CHODL: variants seen among roughly 807,000 people sequenced by gnomAD.
CHODL encodes transmembrane protein MT75.
A neutral mutation model predicts 34.5 loss-of-function variants in CHODL; 29 were observed. That is an observed-to-expected ratio of 0.84 (90% CI 0.63 to 1.15). The LOEUF (loss-of-function observed/expected upper bound fraction) is 1.15. Among genes scored for constraint, CHODL ranks in the 50% most tolerant of loss-of-function variants. The pLI is 0.00. For missense variants in CHODL, 332 were observed against 332.5 expected (o/e 1.00, Z 0.01); for synonymous variants, 125 against 116.1 (o/e 1.08, Z -0.49).
intron 2 of CHODL, among the ~76,000 whole-genome samples, chr21:18,223,919 G>A (rs1057081914): frequency 1.7e-4 from 26 of 152,136 alleles, no homozygotes; most frequent in African/African-American, 6.3e-4. Flanking sequence ...GAAAATAAAT[G>A]GAGCCGATTA....
intron 1 of CHODL, chr21:18,245,741 A>C: frequency 1.6e-6 from 1 of 610,802 alleles, no homozygotes; most frequent in South Asian, 2.0e-5. Flanking sequence ...CACCGTGTTC[A>C]CTCGGATGCT....
chr21:18,141,524 T>G (rs1259361690), intron 2 of CHODL, among the ~76,000 whole-genome samples: 1 of 151,952 alleles, frequency 6.6e-6, no homozygotes, highest in African/African-American at 2.4e-5. Context: ...TGATTGGATT[T>G]GCTTAGGTTT....
chr21:18,187,016 G>A (rs1468744943), intron 2 of CHODL, among the ~76,000 whole-genome samples: 1 of 152,086 alleles, frequency 6.6e-6, no homozygotes, highest in Non-Finnish European at 1.5e-5. Flanking sequence ...ATAGATTTAT[G>A]ATCATATAAC....
At chr21:18,087,839 G>A (rs1305828261) in intron 2 of CHODL, among the ~76,000 whole-genome samples, 1 of 152,110 alleles carries the variant, frequency 6.6e-6, no homozygotes, top group African/African-American at 2.4e-5. Flanking sequence ...CCTGAGACTG[G>A]GTAGTTTATG....
chr21:17,986,999 A>T (rs556106336), intron 1 of CHODL, among the ~76,000 whole-genome samples: 41 of 148,916 alleles, frequency 2.8e-4, no homozygotes, highest in African/African-American at 8.1e-4. Context: ...GGAGGAAAAC[A>T]TGTGTACTTT....
At position 18,244,860 on chromosome 21, in the gene CHODL, G is replaced by T. The variant is rs540099175; in HGVS notation, c.-364G>T. The T allele has an allele frequency of 1.8e-4, 39 of 222,496 alleles. No homozygotes were observed. The South Asian group carries it at 3.9e-3, about 22-fold the overall frequency. The allele number at this position is 222,496 out of a possible 1,614,324, so 13.8% of individuals were successfully genotyped here. ...TGCTGCTGTGATCCAGGACCAGGGCGCACCGGCTCAGCCTCTCACTTGTCA... is the reference window on the plus strand; with the variant it reads ...TGCTGCTGTGATCCAGGACCAGGGCTCACCGGCTCAGCCTCTCACTTGTCA... On this transcript the variant is annotated 5_prime_UTR_variant, in exon 1 of 6. Coordinates refer to ENST00000299295, the MANE Select transcript of CHODL (RefSeq NM_024944.3).
At chr21:17,963,536 C>T (rs1352463842) in intron 1 of CHODL, among the ~76,000 whole-genome samples, 1 of 152,104 alleles carries the variant, frequency 6.6e-6, no homozygotes, top group Non-Finnish European at 1.5e-5. Flanking sequence ...TTTATTAAAC[C>T]ATCAGATCTC....
Position 18,059,198 on chromosome 21 carries a change from A to G in CHODL, c.-45+31227A>G, listed in dbSNP as rs1248063743. 2.6e-5 allele frequency among the ~76,000 whole-genome samples: 4 copies of G among 152,190 alleles called. No individual in the cohort carries two copies. The East Asian group carries it at 7.7e-4, about 29-fold the overall frequency. ...CCTCTCTCTCTCTGTACACACACAG[A>G]GAAAGGTCATGTGAGGACACATGAA... is the stretch of plus-strand genomic sequence containing the variant. On this transcript the variant is annotated intron_variant, in intron 2 of 6. Coordinates refer to the CHODL transcript ENST00000400127.
At chr21:18,248,880 T>C (rs2074190504) in intron 1 of CHODL, among the ~76,000 whole-genome samples, 1 of 118,736 alleles carries the variant, frequency 8.4e-6, no homozygotes, top group Non-Finnish European at 1.6e-5. Context: ...TATATATGTA[T>C]TGTACCTATA....
intron 2 of CHODL, among the ~76,000 whole-genome samples, chr21:18,197,102 C>T (rs2073597664): frequency 6.6e-6 from 1 of 151,592 alleles, no homozygotes; most frequent in Non-Finnish European, 1.5e-5. Flanking sequence ...TACATTTGAC[C>T]CATGAATTAT....
intron 2 of CHODL, among the ~76,000 whole-genome samples, chr21:18,166,208 G>A (rs569948919): frequency 6.6e-6 from 1 of 152,240 alleles, no homozygotes; most frequent in African/African-American, 2.4e-5. Context: ...TAGTTCCTAG[G>A]ATCTGCCTAT....
At chr21:18,072,457 G>T (rs889996868) in intron 2 of CHODL, among the ~76,000 whole-genome samples, 20 of 152,124 alleles carry the variant, frequency 1.3e-4, no homozygotes, top group African/African-American at 4.6e-4. Context: ...ATTATCAAGT[G>T]CAAGGGCTTC....
At chr21:17,973,991 TA>T (rs2063640855) in intron 1 of CHODL, among the ~76,000 whole-genome samples, 1 of 152,168 alleles carries the variant, frequency 6.6e-6, no homozygotes, top group Non-Finnish European at 1.5e-5. Context: ...CAGATTAAAT[TA>T]ATGTAGTGAA....
chr21:17,933,433 G>T (rs1229498702), intron 1 of CHODL, among the ~76,000 whole-genome samples: 1 of 152,182 alleles, frequency 6.6e-6, no homozygotes, highest in African/African-American at 2.4e-5. Context: ...TTAGGGAGTG[G>T]TGATGACTCT....
chr21:18,227,304 A>T (rs2073939597), intron 2 of CHODL, among the ~76,000 whole-genome samples: 1 of 152,194 alleles, frequency 6.6e-6, no homozygotes, highest in Non-Finnish European at 1.5e-5. Context: ...CTTAAATACT[A>T]TAGAATTTTC....
chr21:18,114,508 A>T (rs559579254), intron 2 of CHODL, among the ~76,000 whole-genome samples: 2 of 152,250 alleles, frequency 1.3e-5, no homozygotes, highest in East Asian at 3.9e-4. Context: ...GCTGGAGTGC[A>T]ATGGTGCGAT....
chr21:18,084,920 AGTGTGT>A (rs376876845), intron 2 of CHODL, among the ~76,000 whole-genome samples: 4,064 of 85,266 alleles, frequency 0.048, 174 homozygotes, highest in African/African-American at 0.11. Context: ...GTCTAGTAAT[AGTGTGT>A]GTGTGTGTGT....
At chr21:17,973,648 C>T (rs1355023605) in intron 1 of CHODL, among the ~76,000 whole-genome samples, 1 of 151,652 alleles carries the variant, frequency 6.6e-6, no homozygotes, top group Non-Finnish European at 1.5e-5. Flanking sequence ...TCTCGATCTC[C>T]TGACCTCGTG....
intron 2 of CHODL, among the ~76,000 whole-genome samples, chr21:18,207,774 A>T (rs1020817711): frequency 7.3e-5 from 11 of 150,886 alleles, no homozygotes; most frequent in Admixed American, 1.3e-4. Flanking sequence ...AATACTTTAA[A>T]TATCTCATGC....
Sources: gnomAD v4.1 joint callset for allele counts (sites outside exome capture counted in the v4.1 genomes callset) on GRCh38, gnomAD v4.1.1 for gene constraint, MANE v1.5 for transcripts, NCBI Gene and HGNC (gene_info 2026-07-23, HGNC 2026-07-21) for gene names.